Variants in NCKAP5 observed in about 807,000 individuals in gnomAD.
The protein encoded by NCKAP5 is NCK associated protein 5, also known as nck-associated protein 5.
In NCKAP5, 92 loss-of-function variants were observed where a neutral mutation model predicts 167.0. The observed-to-expected ratio is 0.55, with a 90% CI of 0.47 to 0.66. NCKAP5 has a LOEUF of 0.66. Ranked by LOEUF, NCKAP5 falls within the 30% of genes least tolerant of loss-of-function variation. The probability of loss-of-function intolerance (pLI) is 0.00; values close to 1 mark genes in which losing one functional copy is unlikely to be tolerated. For synonymous variants in NCKAP5, 891 were observed against 877.4 expected, an observed-to-expected ratio of 1.02 and a Z score of -0.27; for missense variants, 2,378 against 2,315.0, an observed-to-expected ratio of 1.03 and a Z score of -0.56.
intron 3 of NCKAP5, among the ~76,000 whole-genome samples, chr2:133,450,912 G>T (rs748218574): frequency 5.9e-5 from 9 of 152,052 alleles, no homozygotes; most frequent in Admixed American, 5.2e-4. Context: ...AGCCCTAAAA[G>T]AATATTTTAC....
chr2:133,006,581 T>A (rs186048641), intron 6 of NCKAP5, among the ~76,000 whole-genome samples: 165 of 152,144 alleles, frequency 1.1e-3, no homozygotes, highest in African/African-American at 3.4e-3. Context: ...CTAAATCTGA[T>A]TCCCATTTTC....
At chr2:133,283,908 G>C (rs1458446032) in intron 4 of NCKAP5, among the ~76,000 whole-genome samples, 3 of 152,164 alleles carry the variant, frequency 2.0e-5, no homozygotes, top group African/African-American at 7.2e-5. Flanking sequence ...ACCGTGCCCG[G>C]CCTTGAAAAG....
chr2:133,631,485 T>C, the NCKAP5 span, among the ~76,000 whole-genome samples: 1 of 152,262 alleles, frequency 6.6e-6, no homozygotes, highest in South Asian at 2.1e-4. Flanking sequence ...GTTTCTTCTA[T>C]TATCCTGGAT....
intron 15 of NCKAP5, among the ~76,000 whole-genome samples, chr2:132,778,719 G>C (rs1682763740): frequency 6.6e-6 from 1 of 152,084 alleles, no homozygotes; most frequent in Non-Finnish European, 1.5e-5. Flanking sequence ...CCTAGTGGGG[G>C]GAAATTCTCT....
chr2:133,275,084 GAAA>G (rs936796984), intron 4 of NCKAP5, among the ~76,000 whole-genome samples: 1 of 149,794 alleles, frequency 6.7e-6, no homozygotes, highest in African/African-American at 2.4e-5. Context: ...GGGAAAAAGT[GAAA>G]AAAAAAGTGG....
At chr2:133,348,589 G>A (rs535440609) in intron 3 of NCKAP5, among the ~76,000 whole-genome samples, 14 of 152,086 alleles carry the variant, frequency 9.2e-5, no homozygotes, top group South Asian at 4.1e-4. Context: ...TAGCCCACAC[G>A]TCATACTACA....
chr2:133,642,153 T>C, the NCKAP5 span, among the ~76,000 whole-genome samples: 1 of 152,100 alleles, frequency 6.6e-6, no homozygotes, highest in East Asian at 1.9e-4. Context: ...AAAGCCAGAT[T>C]CTTTTAAACA....
At chr2:133,114,654 T>C (rs2082016464) in intron 6 of NCKAP5, among the ~76,000 whole-genome samples, 2 of 152,314 alleles carry the variant, frequency 1.3e-5, no homozygotes, top group African/African-American at 2.4e-5. Flanking sequence ...ACACTATTCT[T>C]GATCTATAGG....
chr2:133,233,826 AG>A (rs2087267115), intron 4 of NCKAP5, among the ~76,000 whole-genome samples: 2 of 152,232 alleles, frequency 1.3e-5, no homozygotes, highest in African/African-American at 4.8e-5. Flanking sequence ...CCAACTGAGC[AG>A]CCCACACTCT....
At position 133,505,462 on chromosome 2, in the gene NCKAP5, C is replaced by T. The variant is rs115406639; in HGVS notation, c.69+11996G>A. 2.5e-3 allele frequency among the ~76,000 whole-genome samples: 388 copies of T among 152,274 alleles called. 4 individuals are homozygous for T. Among genetic ancestry groups the T allele is most frequent in the African/African-American group, 8.8e-3 (367 of 41,552 alleles). On this transcript the variant is annotated intron_variant, in intron 3 of 19. Coordinates refer to ENST00000409261, the MANE Select transcript of NCKAP5 (RefSeq NM_207363.3). The stretch of plus-strand genomic sequence containing the variant: ...AGACAAAGAAAGCTGCCATCTGGAA[C>T]GGCCACATCAGCTGGTCCACATGTT...
At chr2:133,020,237 A>G (rs1170577811) in intron 6 of NCKAP5, among the ~76,000 whole-genome samples, 1 of 152,216 alleles carries the variant, frequency 6.6e-6, no homozygotes, top group African/African-American at 2.4e-5. Flanking sequence ...CATAAAGAAC[A>G]TTCAAATGAT....
chr2:133,142,947 A>G (rs1310575409), intron 5 of NCKAP5, among the ~76,000 whole-genome samples: 3 of 152,132 alleles, frequency 2.0e-5, no homozygotes, highest in Non-Finnish European at 2.9e-5. Flanking sequence ...AGACCTTTTT[A>G]TAAGCTCAAA....
intron 5 of NCKAP5, among the ~76,000 whole-genome samples, chr2:133,180,754 T>C (rs538004851): frequency 1.3e-5 from 2 of 151,866 alleles, no homozygotes; most frequent in Admixed American, 1.3e-4. Context: ...TAGAAGAAAA[T>C]ATAGGGGAAA....
At chr2:133,247,818 T>C (rs2088081893) in intron 4 of NCKAP5, among the ~76,000 whole-genome samples, 2 of 152,192 alleles carry the variant, frequency 1.3e-5, no homozygotes, top group Non-Finnish European at 2.9e-5. Flanking sequence ...CCACATCCTA[T>C]TTTCTATTGC....
intron 3 of NCKAP5, among the ~76,000 whole-genome samples, chr2:133,511,733 G>A (rs1683511276): frequency 6.6e-6 from 1 of 152,210 alleles, no homozygotes; most frequent in Admixed American, 6.5e-5. Context: ...AGACAAGTTA[G>A]GGGAAATGAG....
upstream of NCKAP5, among the ~76,000 whole-genome samples, chr2:133,572,038 C>T (rs1026074593): frequency 6.6e-6 from 1 of 151,782 alleles, no homozygotes. Flanking sequence ...TATCTTCACT[C>T]ACCTTTCACA....
At chr2:133,308,184 G>A (rs1680933820) in intron 3 of NCKAP5, among the ~76,000 whole-genome samples, 1 of 149,168 alleles carries the variant, frequency 6.7e-6, no homozygotes, top group Non-Finnish European at 1.5e-5. Context: ...CGCCTCCCGG[G>A]TTCACGCCAT....
At chr2:133,524,918 ATG>A (rs1452547338) in intron 2 of NCKAP5, among the ~76,000 whole-genome samples, 37 of 152,172 alleles carry the variant, frequency 2.4e-4, no homozygotes, top group African/African-American at 8.9e-4. Context: ...GCATCTGTGC[ATG>A]TGTGTTCATG....
chr2:132,826,735 G>A (rs1687149225), intron 11 of NCKAP5, among the ~76,000 whole-genome samples: 1 of 152,124 alleles, frequency 6.6e-6, no homozygotes, highest in Non-Finnish European at 1.5e-5. Context: ...CCCATGCCTA[G>A]GTAAATCAAG....
Sources: gnomAD v4.1 joint callset for allele counts (sites outside exome capture counted in the v4.1 genomes callset) on GRCh38, gnomAD v4.1.1 for gene constraint, MANE v1.5 for transcripts, NCBI Gene and HGNC (gene_info 2026-07-23, HGNC 2026-07-21) for gene names.